Variants in DENND2B observed in about 807,000 individuals in gnomAD.
DENND2B encodes DENN domain-containing protein 2B.
DENND2B carries 32 observed loss-of-function variants against 116.0 expected under a neutral mutation model. The ratio of observed to expected loss-of-function variants is 0.28; its 90% confidence interval spans 0.21 to 0.37. The LOEUF is 0.37. Among genes scored for constraint, DENND2B ranks in the 10% least tolerant of loss-of-function variants. The pLI is 1.00. For missense variants in DENND2B, 1,276 were observed against 1,477.7 expected, an observed-to-expected ratio of 0.86 and a Z score of 2.24; for synonymous variants, 588 against 583.9, an observed-to-expected ratio of 1.01 and a Z score of -0.10.
intron 1 of DENND2B, among the ~76,000 whole-genome samples, chr11:8,772,839 G>C (rs2057124458): frequency 6.6e-6 from 1 of 152,106 alleles, no homozygotes; most frequent in Admixed American, 6.5e-5. Flanking sequence ...TGCCTTTCCA[G>C]GGGTGAGTGG....
At chr11:8,802,006 A>G (rs1255584637) in intron 1 of DENND2B, among the ~76,000 whole-genome samples, 1 of 144,856 alleles carries the variant, frequency 6.9e-6, no homozygotes, top group Non-Finnish European at 1.5e-5. Flanking sequence ...AAAAAAAAAA[A>G]AAAAAAAAAA....
At chr11:8,843,373 G>C (rs1052770207) in intron 3 of DENND2B, among the ~76,000 whole-genome samples, 1 of 152,122 alleles carries the variant, frequency 6.6e-6, no homozygotes, top group Admixed American at 6.5e-5. Context: ...TGGAACCTTA[G>C]GCTGCAGCAC....
intron 8 of DENND2B, among the ~76,000 whole-genome samples, chr11:8,713,421 C>G (rs1332981335): frequency 6.6e-6 from 1 of 152,086 alleles, no homozygotes; most frequent in Non-Finnish European, 1.5e-5. Flanking sequence ...GCTCTGTCGC[C>G]CAGGCTAGAG....
intron 1 of DENND2B, among the ~76,000 whole-genome samples, chr11:8,804,084 G>A (rs542631922): frequency 2.3e-4 from 35 of 152,348 alleles, no homozygotes; most frequent in African/African-American, 8.4e-4. Flanking sequence ...CAGGAGGAAA[G>A]AGCTGAACCT....
rs950940105 is a variant in DENND2B, at chr11:8,907,144, A to C, written c.-256+3677T>G. ...CTCCTCCAAAACATAGAACCCTGAC[A>C]ACTAACTTTCATCTGTTCTCATTAG... On this transcript the variant is annotated intron_variant, in intron 1 of 22. Coordinates refer to the DENND2B transcript ENST00000534127. Among the ~76,000 whole-genome samples, 4 of 152,346 alleles carry C rather than the reference A, an allele frequency of 2.6e-5. No individual in the cohort carries two copies. The East Asian group carries it at 7.7e-4, about 29-fold the overall frequency.
intron 1 of DENND2B, among the ~76,000 whole-genome samples, chr11:8,889,950 T>C (rs914360092): frequency 6.6e-6 from 1 of 152,180 alleles, no homozygotes; most frequent in South Asian, 2.1e-4. Flanking sequence ...CCTCCTCAAG[T>C]GGATCCCTGA....
intron 1 of DENND2B, among the ~76,000 whole-genome samples, chr11:8,902,495 T>C (rs2064182983): frequency 6.6e-6 from 1 of 152,250 alleles, no homozygotes. Flanking sequence ...TTTGTCATTT[T>C]TGTGATTCTG....
Position 8,859,021 on chromosome 11 carries a change from G to A in DENND2B, c.-249-1585C>T, listed in dbSNP as rs11605592. 8.6e-3 allele frequency among the ~76,000 whole-genome samples: 1,311 copies of A among 152,246 alleles called. 11 individuals carry two copies. The highest frequency in any genetic ancestry group is 0.013 in the Non-Finnish European group (914 of 68,006). ...AAGTGAAGACAGAGACAAGAAACAG[G>A]CTGAAGACTGAGCCCTTGGGCGCTC... is the stretch of plus-strand genomic sequence containing the variant. On this transcript the variant is annotated intron_variant, in intron 2 of 6. Coordinates refer to the DENND2B transcript ENST00000524757.
intron 16 of DENND2B, 43 bp from the exon 17 acceptor site, chr11:8,697,679 G>A (rs1355471195): frequency 7.5e-7 from 1 of 1,342,010 alleles, no homozygotes; most frequent in Non-Finnish European, 1.1e-6. Context: ...AGCTGACACT[G>A]AGCACTTACT....
chr11:8,701,344 C>CAG (rs1491336392), intron 14 of DENND2B, among the ~76,000 whole-genome samples: 7 of 11,240 alleles, frequency 6.2e-4, no homozygotes, highest in African/African-American at 2.7e-3. Context: ...GGCCAGCTTC[C>CAG]GGGGGGGGGG....
intron 2 of DENND2B, among the ~76,000 whole-genome samples, chr11:8,859,434 A>C (rs1220196450): frequency 6.6e-6 from 1 of 152,062 alleles, no homozygotes; most frequent in Non-Finnish European, 1.5e-5. Flanking sequence ...CAGCCTCCCG[A>C]GTAGCTGGGA....
At chr11:8,878,591 G>C (rs2063869854) in intron 2 of DENND2B, among the ~76,000 whole-genome samples, 1 of 152,132 alleles carries the variant, frequency 6.6e-6, no homozygotes, top group Non-Finnish European at 1.5e-5. Flanking sequence ...GTTTCACCAT[G>C]TTGGCCAAGC....
chr11:8,768,438 C>T (rs1384903510), intron 1 of DENND2B, among the ~76,000 whole-genome samples: 2 of 151,928 alleles, frequency 1.3e-5, no homozygotes, highest in East Asian at 1.9e-4. Flanking sequence ...TGTAGAGATA[C>T]GGGTTTTGCT....
At chr11:8,779,010 T>C (rs1372553784) in intron 1 of DENND2B, among the ~76,000 whole-genome samples, 2 of 152,366 alleles carry the variant, frequency 1.3e-5, no homozygotes, top group East Asian at 1.9e-4. Flanking sequence ...CAGTAATTAT[T>C]GATCACCACT....
At chr11:8,769,859 G>A (rs549232199) in intron 1 of DENND2B, among the ~76,000 whole-genome samples, 22 of 152,266 alleles carry the variant, frequency 1.4e-4, no homozygotes, top group Non-Finnish European at 2.2e-4. Flanking sequence ...GGCCAAGTGC[G>A]GTGGCTCATG....
intron 1 of DENND2B, among the ~76,000 whole-genome samples, chr11:8,906,366 A>G (rs912148154): frequency 2.6e-5 from 4 of 151,238 alleles, no homozygotes; most frequent in African/African-American, 9.7e-5. Context: ...CGCCCAGCTA[A>G]TTTTTTGTAT....
rs1234525755 is a variant in DENND2B, at chr11:8,712,984, G to A, written c.1988-249C>T. 6.6e-6 allele frequency among the ~76,000 whole-genome samples: 1 copy of A among 152,178 alleles called. No homozygotes were observed. Among genetic ancestry groups the A allele is most frequent in the Non-Finnish European group, 1.5e-5 (1 of 68,028 alleles). On this transcript the variant is annotated intron_variant, in intron 8 of 19. Coordinates refer to ENST00000313726, the MANE Select transcript of DENND2B (RefSeq NM_213618.2). This position sits in a 1 kb window ranked among gnomAD's most constrained non-coding sequence, Gnocchi z 4.4. ...GCCTCTGGAGACTGAGCTGGGGCAG[G>A]AGGACTGCCGAGGCCAGGCAAACCC...
chr11:8,822,174 A>G (rs2061791625), intron 4 of DENND2B, among the ~76,000 whole-genome samples: 1 of 140,314 alleles, frequency 7.1e-6, no homozygotes. Context: ...GACATTCTAC[A>G]TATTTTAAAT....
chr11:8,882,711 GGCACT>G (rs1361804662), intron 1 of DENND2B, among the ~76,000 whole-genome samples: 1 of 151,902 alleles, frequency 6.6e-6, no homozygotes, highest in African/African-American at 2.4e-5. Context: ...TTTTTGGTTG[GGCACT>G]GTGGTTCATG....
Sources: allele counts gnomAD v4.1 joint callset (sites outside exome capture counted in the v4.1 genomes callset), GRCh38; gene constraint gnomAD v4.1.1; non-coding constraint Gnocchi (gnomAD v3.1); transcripts MANE v1.5; gene names NCBI Gene and HGNC (gene_info 2026-07-23, HGNC 2026-07-21).